GBP6: variants seen among roughly 807,000 people sequenced by gnomAD.
GBP6 encodes guanylate binding protein family member 6.
In GBP6, 54 loss-of-function variants were observed where a neutral mutation model predicts 61.5. That is an observed-to-expected ratio of 0.88 (90% confidence interval 0.71 to 1.10). GBP6 has a LOEUF of 1.10. Ranked by LOEUF, GBP6 falls within the 50% of genes least tolerant of loss-of-function variation. GBP6 has a pLI of 0.00. For missense variants in GBP6, 748 were observed against 752.8 expected (o/e 0.99, Z 0.07); for synonymous variants, 255 against 273.7 (o/e 0.93, Z 0.67).
rs1652392037 is a variant in GBP6, at chr1:89,364,060, A to G, written c.-91A>G. On this transcript the variant is annotated 5_prime_UTR_variant, in exon 1 of 11. Coordinates refer to ENST00000370456, the MANE Select transcript of GBP6 (RefSeq NM_198460.3). The stretch of plus-strand genomic sequence containing the variant: ...AAGGAAAGAACAGAAAAGTAAAAGG[A>G]GGAAAGAAAACAAGAGGTGAGTGAG... The G allele has an allele frequency of 1.3e-5, 2 of 152,274 alleles. No individual in the cohort carries two copies. Among genetic ancestry groups the G allele is most frequent in the African/African-American group, 4.8e-5 (2 of 41,460 alleles). 9.4% of individuals were successfully genotyped at this position (152,274 alleles called of 1,614,324 possible).
At chr1:89,364,342 G>GATC (rs1423673030) in intron 1 of GBP6, among the ~76,000 whole-genome samples, 4 of 152,244 alleles carry the variant, frequency 2.6e-5, no homozygotes, top group Non-Finnish European at 5.9e-5. Context: ...GCTGTTCCCT[G>GATC]ATCATCAACT....
At chr1:89,370,025 G>A (rs1047005897) in intron 3 of GBP6, among the ~76,000 whole-genome samples, 12 of 152,182 alleles carry the variant, frequency 7.9e-5, no homozygotes, top group African/African-American at 2.7e-4. Context: ...GCAGGTTGCT[G>A]AGAGGGAGGA....
chr1:89,369,086 A>G (rs1014960548), intron 2 of GBP6, among the ~76,000 whole-genome samples: 14 of 152,184 alleles, frequency 9.2e-5, no homozygotes, highest in Admixed American at 8.5e-4. Flanking sequence ...TAATCTATGT[A>G]ATCTTGAAAA....
chr1:89,374,505 C>T (rs1428165738), intron 3 of GBP6, among the ~76,000 whole-genome samples: 3 of 152,062 alleles, frequency 2.0e-5, no homozygotes, highest in Non-Finnish European at 4.4e-5. Flanking sequence ...GAGGGACCTC[C>T]ATACTTTTTC....
Position 89,369,570 on chromosome 1 carries a change from A to C in GBP6, c.215A>C (p.Gln72Pro). The C allele has an allele frequency of 6.2e-7, 1 of 1,614,090 alleles. No homozygotes were observed. Among genetic ancestry groups the C allele is most frequent in the Non-Finnish European group, 8.5e-7 (1 of 1,179,952 alleles). Residue 72 changes from glutamine (Q) to proline (P), a missense_variant, in exon 3 of 11, where the codon CAG (glutamine) becomes CCG (proline). By Grantham distance (76) the Gln-to-Pro change is moderately conservative. Coordinates refer to ENST00000370456, the MANE Select transcript of GBP6 (RefSeq NM_198460.3). ...GGCTTCCCTCTGGGCTCCACGGTGC[A>C]GTCTGAAACCAAGGGCATCTGGATG... is the stretch of plus-strand genomic sequence containing the variant. ...NHGFPLGSTV[Q>P]SETKGIWMWC... is the part of the protein sequence containing the mutation.
chr1:89,382,879 A>G lies in GBP6; in HGVS notation c.1365+3A>G, dbSNP rs1653021767. 6.3e-7 allele frequency: 1 copy of G among 1,599,856 alleles called. No homozygotes were observed. Among genetic ancestry groups the G allele is most frequent in the East Asian group, 2.2e-5 (1 of 44,814 alleles). ...AAGTTCCCAGGAAAGGAGTAAAGGT[A>G]AGGAATAAGGGGAGCATGGGGAAGT... is the stretch of plus-strand genomic sequence containing the variant. On this transcript the variant is annotated splice_donor_region_variant and intron_variant, in intron 8 of 10. Coordinates refer to ENST00000370456, the MANE Select transcript of GBP6 (RefSeq NM_198460.3).
intron 3 of GBP6, among the ~76,000 whole-genome samples, chr1:89,375,269 G>A (rs1222225372): frequency 6.6e-6 from 1 of 151,974 alleles, no homozygotes; most frequent in Non-Finnish European, 1.5e-5. Flanking sequence ...TGAAAAAAAA[G>A]CTCGACATCA....
chr1:89,373,559 A>G (rs1652706917), intron 3 of GBP6, among the ~76,000 whole-genome samples: 1 of 152,160 alleles, frequency 6.6e-6, no homozygotes, highest in Admixed American at 6.5e-5. Flanking sequence ...GCAAACTATC[A>G]CAAGGACAAA....
At chr1:89,373,889 C>T (rs1652721553) in intron 3 of GBP6, among the ~76,000 whole-genome samples, 1 of 151,506 alleles carries the variant, frequency 6.6e-6, no homozygotes, top group Admixed American at 6.6e-5. Flanking sequence ...GTGTCCTCAC[C>T]CAAATCTCAT....
In GBP6 at chr1:89,382,908, T is replaced by A. The variant is rs1164921314; in HGVS notation, c.1365+32T>A. The A allele has an allele frequency of 6.8e-6, 10 of 1,464,324 alleles. No homozygotes were observed. In the East Asian group the frequency reaches 2.0e-4, roughly 30 times the overall value. The allele number at this position is 1,464,324 out of a possible 1,614,324, so 90.7% of individuals were successfully genotyped here. On this transcript the variant is annotated intron_variant, in intron 8 of 10. Coordinates refer to ENST00000370456, the MANE Select transcript of GBP6 (RefSeq NM_198460.3). ...AATAAGGGGAGCATGGGGAAGTTTATAGGATAGAGTGAATGGAGTCTTCAG... is the reference window on the plus strand; with the variant it reads ...AATAAGGGGAGCATGGGGAAGTTTAAAGGATAGAGTGAATGGAGTCTTCAG...
chr1:89,384,191 C>T lies in GBP6; in HGVS notation c.1567C>T (p.Arg523Cys), dbSNP rs756837037. The change falls in exon 10 of 11, where the codon CGC (arginine) becomes TGC (cysteine). Residue 523 changes from arginine (R) to cysteine (C), a missense_variant. Arg to Cys is a radical substitution (Grantham distance 180). Coordinates refer to ENST00000370456, the MANE Select transcript of GBP6 (RefSeq NM_198460.3). ...QQQMEAQDKS[R>C]KENIAQLKEK... The stretch of plus-strand genomic sequence containing the variant: ...ACAGATGGAGGCTCAAGATAAGAGT[C>T]GCAAGGAAAACATAGCCCAACTGAA... 9.9e-6 allele frequency: 16 copies of T among 1,613,954 alleles called. No individual in the cohort carries two copies. Among genetic ancestry groups the T allele is most frequent in the Middle Eastern group, 1.7e-4 (1 of 6,058 alleles).
At chr1:89,373,099 T>A (rs1652692078) in intron 3 of GBP6, among the ~76,000 whole-genome samples, 1 of 152,014 alleles carries the variant, frequency 6.6e-6, no homozygotes, top group Non-Finnish European at 1.5e-5. Context: ...GAAATGCAAA[T>A]CAAAACCACA....
chr1:89,368,258 G>A (rs1210251466), intron 1 of GBP6, among the ~76,000 whole-genome samples: 2 of 152,134 alleles, frequency 1.3e-5, no homozygotes, highest in African/African-American at 2.4e-5. Context: ...CACAGGACTT[G>A]GAGTATTAGT....
At chr1:89,384,363 C>A in intron 10 of GBP6, 77 bp downstream of exon 10, 1 of 1,167,078 alleles carries the variant, frequency 8.6e-7, no homozygotes, top group Non-Finnish European at 1.2e-6. Context: ...AAGGTTACAG[C>A]AACATCATGA....
intron 3 of GBP6, among the ~76,000 whole-genome samples, chr1:89,371,995 T>A (rs1233123413): frequency 6.6e-6 from 1 of 151,992 alleles, no homozygotes; most frequent in African/African-American, 2.4e-5. Context: ...TGTGCAAAAA[T>A]CACAAGCATT....
intron 3 of GBP6, among the ~76,000 whole-genome samples, chr1:89,372,010 C>T (rs767368718): frequency 1.3e-5 from 2 of 151,608 alleles, no homozygotes; most frequent in African/African-American, 4.9e-5. Context: ...AGCATTCTTA[C>T]ACACCAATAA....
At chr1:89,373,216 G>A (rs1264609742) in intron 3 of GBP6, among the ~76,000 whole-genome samples, 1 of 152,180 alleles carries the variant, frequency 6.6e-6, no homozygotes, top group Non-Finnish European at 1.5e-5. Context: ...CACTGTTGGT[G>A]GGACCGTAAA....
chr1:89,385,436 C>A lies in GBP6; in HGVS notation c.1869C>A (p.Ser623Arg). 6.2e-7 allele frequency: 1 copy of A among 1,613,894 alleles called. No homozygotes were observed. The highest frequency in any genetic ancestry group is 8.5e-7 in the Non-Finnish European group (1 of 1,179,904). ...TTGGTCATGGTGTCAAAGGTGTGAG[C>A]TCACTCTTTAAAAAGCATAAGCTCC... ...KLIGHGVKGV[S>R]SLFKKHKLPF is the part of the protein sequence containing the mutation. The change falls in exon 11 of 11, where the codon AGC becomes AGA. Residue 623 changes from serine (S) to arginine (R), a missense_variant. Coordinates refer to ENST00000370456, the MANE Select transcript of GBP6 (RefSeq NM_198460.3).
At chr1:89,372,915 T>C (rs1419568494) in intron 3 of GBP6, among the ~76,000 whole-genome samples, 1 of 152,116 alleles carries the variant, frequency 6.6e-6, no homozygotes, top group Non-Finnish European at 1.5e-5. Flanking sequence ...AATTGACTCA[T>C]CTGACAAAGG....
Sources: gnomAD v4.1 joint callset for allele counts (sites outside exome capture counted in the v4.1 genomes callset) on GRCh38, gnomAD v4.1.1 for gene constraint, MANE v1.5 for transcripts, NCBI Gene and HGNC (gene_info 2026-07-23, HGNC 2026-07-21) for gene names.